The following TMCO1 variants were observed in gnomAD, a reference collection of about 807,000 sequenced individuals.
TMCO1 encodes the protein calcium load-activated calcium channel.
Under a neutral mutation model 29.3 loss-of-function variants are expected in TMCO1, and 29 were observed. The ratio of observed to expected loss-of-function variants is 0.99; its 90% CI spans 0.74 to 1.35. TMCO1 has a LOEUF of 1.35. Among genes scored for constraint, TMCO1 ranks in the 40% most tolerant of loss-of-function variants. The probability of loss-of-function intolerance (pLI) is 0.00; values close to 1 mark genes in which losing one functional copy is unlikely to be tolerated. For missense variants in TMCO1, 173 were observed against 225.5 expected, an observed-to-expected ratio of 0.77 and a Z score of 1.49; for synonymous variants, 80 against 77.1, an observed-to-expected ratio of 1.04 and a Z score of -0.20.
At chr1:165,757,897 G>A (rs10918277) in intron 3 of TMCO1, among the ~76,000 whole-genome samples, 4,921 of 152,236 alleles carry the variant, frequency 0.032, 237 homozygotes, top group African/African-American at 0.11. Flanking sequence ...CAGATACACC[G>A]TGTTGCCAAT....
Position 165,733,641 on chromosome 1 carries a change from T to C in TMCO1, c.469-5520A>G, listed in dbSNP as rs551526059. Among the ~76,000 whole-genome samples the C allele has an allele frequency of 1.9e-3, 164 of 88,150 alleles. 2 individuals carry two copies. The East Asian group carries it at 0.039, about 21-fold the overall frequency. The allele number at this position is 88,150 out of a possible 152,430, so 57.8% of individuals were successfully genotyped here. ...AAGAAATATGCATTTAGCTAAAAGA[T>C]AGGAGTTTTAATATATAATAAAGAT... On this transcript the variant is annotated intron_variant, in intron 6 of 6. Coordinates refer to ENST00000367881, the MANE Select transcript of TMCO1 (RefSeq NM_019026.6).
At chr1:165,745,597 T>C (rs1197236135) in intron 5 of TMCO1, among the ~76,000 whole-genome samples, 4 of 151,708 alleles carry the variant, frequency 2.6e-5, no homozygotes, top group Admixed American at 1.3e-4. Context: ...CAGTGAATAG[T>C]GATCACACCA....
chr1:165,748,171 A>G (rs1053315802), intron 5 of TMCO1, among the ~76,000 whole-genome samples: 2 of 151,796 alleles, frequency 1.3e-5, no homozygotes, highest in Non-Finnish European at 2.9e-5. Flanking sequence ...AAAAAAAAAA[A>G]CCAGTAAAAG....
intron 6 of TMCO1, among the ~76,000 whole-genome samples, chr1:165,731,511 G>C (rs1651159000): frequency 6.6e-6 from 1 of 152,178 alleles, no homozygotes; most frequent in Non-Finnish European, 1.5e-5. Context: ...GGGTCAAATA[G>C]ATGAGTCCTT....
chr1:165,753,436 G>C (rs1190573028), intron 4 of TMCO1, among the ~76,000 whole-genome samples: 1 of 128,152 alleles, frequency 7.8e-6, no homozygotes, highest in East Asian at 2.6e-4. Context: ...TAGAGCCACT[G>C]CACTCCAACC....
At chr1:165,756,922 G>T (rs1184988879) in intron 3 of TMCO1, among the ~76,000 whole-genome samples, 2 of 151,900 alleles carry the variant, frequency 1.3e-5, no homozygotes, top group African/African-American at 4.8e-5. Context: ...AGATAATAAT[G>T]AAACTATATA....
chr1:165,750,302 G>A (rs1368320609), intron 5 of TMCO1, among the ~76,000 whole-genome samples: 1 of 152,092 alleles, frequency 6.6e-6, no homozygotes, highest in East Asian at 1.9e-4. Context: ...CACTTTGGGA[G>A]GCCAAGGTGA....
At position 165,726,984 on chromosome 1, in the gene TMCO1, G is replaced by A. The variant is rs1485857678; in HGVS notation, c.*1039C>T. On this transcript the variant is annotated 3_prime_UTR_variant, in exon 7 of 7. Transcript: ENST00000367881. ...TGAAAATTATGTGTTTTTTCTCACT[G>A]GTAGAATACTCACATTTAAGTAGAC... 1 of 453,920 alleles carries A rather than the reference G, an allele frequency of 2.2e-6. No homozygotes were observed. The highest frequency in any genetic ancestry group is 4.4e-6 in the Non-Finnish European group (1 of 226,766). The allele number at this position is 453,920 out of a possible 1,614,324, so 28.1% of individuals were successfully genotyped here.
rs1283567502 is a variant in TMCO1, at chr1:165,727,470, G to A, written c.*553C>T. On this transcript the variant is annotated 3_prime_UTR_variant, in exon 7 of 7. Transcript: ENST00000367881. Reference sequence around the variant, plus strand: ...CAGTACCTTAAAAACTTTTATTTTAGTCCTTCCTGGCCCATGCTAAAACTT... The same window carrying A: ...CAGTACCTTAAAAACTTTTATTTTAATCCTTCCTGGCCCATGCTAAAACTT... 1 of 453,480 alleles carries A rather than the reference G, an allele frequency of 2.2e-6. No individual in the cohort carries two copies. Among genetic ancestry groups the A allele is most frequent in the Admixed American group, 2.4e-5 (1 of 42,484 alleles). 28.1% of individuals were successfully genotyped at this position (453,480 alleles called of 1,614,324 possible). A position where few individuals can be genotyped will look rare whatever the true frequency, so the allele number is the denominator to read the frequency against.
At chr1:165,759,089 C>G (rs1652303839) in intron 3 of TMCO1, among the ~76,000 whole-genome samples, 1 of 152,154 alleles carries the variant, frequency 6.6e-6, no homozygotes, top group Non-Finnish European at 1.5e-5. Context: ...CATTATTTCT[C>G]CAAGTATATC....
Position 165,768,198 on chromosome 1 carries a change from T to C in TMCO1, c.142A>G (p.Lys48Glu). Residue 48 changes from lysine (K) to glutamate (E), a missense_variant, in exon 2 of 7, where the codon AAA (lysine) becomes GAA (glutamate). Lys to Glu is a moderately conservative substitution (Grantham distance 56, BLOSUM62 1). Transcript: ENST00000367881. ...AATGTGTTGCCATACTCACATTTTT[T>C]ACTCTGTTTTTCCACTTCTGCCTTC... is the stretch of plus-strand genomic sequence containing the variant. ...RLKAEVEKQS[K>E]KLEKKKETIT... The C allele has an allele frequency of 6.2e-7, 1 of 1,613,650 alleles. No individual in the cohort carries two copies. Among genetic ancestry groups the C allele is most frequent in the Non-Finnish European group, 8.5e-7 (1 of 1,179,542 alleles).
At chr1:165,764,964 T>C (rs770578400) in intron 2 of TMCO1, among the ~76,000 whole-genome samples, 5 of 152,138 alleles carry the variant, frequency 3.3e-5, no homozygotes, top group African/African-American at 4.8e-5. Context: ...CTGAAAACTA[T>C]TCAGGAAAAC....
chr1:165,725,637 T>C, downstream of TMCO1: 1 of 454,100 alleles, frequency 2.2e-6, no homozygotes, highest in South Asian at 1.6e-5. Context: ...GAGGCCTGTC[T>C]TGAAATGTCA....
chr1:165,734,300 A>C (rs1472556116), intron 6 of TMCO1, among the ~76,000 whole-genome samples: 3 of 152,170 alleles, frequency 2.0e-5, no homozygotes, highest in Admixed American at 6.5e-5. Context: ...TATCGCTGAA[A>C]TATTATTGGG....
chr1:165,747,804 G>A (rs1475825383), intron 5 of TMCO1, among the ~76,000 whole-genome samples: 4 of 152,130 alleles, frequency 2.6e-5, no homozygotes, highest in Non-Finnish European at 5.9e-5. Context: ...AAGTGACTTA[G>A]AGTCTCACGT....
intron 6 of TMCO1, among the ~76,000 whole-genome samples, chr1:165,730,661 C>A (rs900812479): frequency 2.0e-5 from 3 of 152,156 alleles, no homozygotes; most frequent in Non-Finnish European, 2.9e-5. Context: ...GTGGTGTGAT[C>A]ACAGCTCACT....
At chr1:165,726,017 C>T, downstream of TMCO1, 2 of 686,728 alleles carry the variant, frequency 2.9e-6, no homozygotes, top group Admixed American at 4.0e-5. Context: ...AAAGCACCAA[C>T]TTCAAAGCCT....
chr1:165,744,802 A>AC (rs907615024), intron 5 of TMCO1, among the ~76,000 whole-genome samples: 1,811 of 151,748 alleles, frequency 0.012, 45 homozygotes, highest in African/African-American at 0.042. Context: ...AAAAAAAAAA[A>AC]AAAAAAAAAA....
chr1:165,733,816 A>T (rs1328261464), intron 6 of TMCO1, among the ~76,000 whole-genome samples: 1 of 152,226 alleles, frequency 6.6e-6, no homozygotes, highest in Non-Finnish European at 1.5e-5. Context: ...CAAAGGAAAA[A>T]CATTTTCCCA....
Sources: gnomAD v4.1 joint callset for allele counts (sites outside exome capture counted in the v4.1 genomes callset) on GRCh38, gnomAD v4.1.1 for gene constraint, MANE v1.5 for transcripts, NCBI Gene and HGNC (gene_info 2026-07-23, HGNC 2026-07-21) for gene names.